The following NAV3 variants were observed in gnomAD, a reference collection of about 807,000 sequenced individuals.
The protein encoded by NAV3 is neuron navigator 3.
A neutral mutation model predicts 244.7 loss-of-function variants in NAV3; 87 were observed. That is an observed-to-expected ratio of 0.36 (90% CI 0.30 to 0.42). The LOEUF is 0.42. Ranked by LOEUF, NAV3 falls within the 20% of genes least tolerant of loss-of-function variation. NAV3 has a pLI of 1.00. For synonymous variants in NAV3, 1,126 were observed against 1,042.2 expected (o/e 1.08, Z -1.55); for missense variants, 2,663 against 2,893.3 (o/e 0.92, Z 1.83).
intron 12 of NAV3, among the ~76,000 whole-genome samples, chr12:78,082,571 G>A (rs932032097): frequency 5.9e-5 from 9 of 151,774 alleles, no homozygotes; most frequent in Non-Finnish European, 1.3e-4. Flanking sequence ...CAAAATCACT[G>A]TGTGATATAG....
intron 1 of NAV3, among the ~76,000 whole-genome samples, chr12:77,841,814 C>A (rs1875706438): frequency 6.6e-6 from 1 of 152,154 alleles, no homozygotes; most frequent in South Asian, 2.1e-4. Context: ...GTTTCATCAT[C>A]TCACCTCTAG....
At chr12:77,631,908 C>T (rs567112626) in intron 2 of NAV3, among the ~76,000 whole-genome samples, 1 of 152,276 alleles carries the variant, frequency 6.6e-6, no homozygotes, top group South Asian at 2.1e-4. Flanking sequence ...CCTAAATAAC[C>T]CATGTTGCCT....
chr12:77,965,113 CTCT>C (rs1892396900), intron 3 of NAV3, among the ~76,000 whole-genome samples: 3 of 152,128 alleles, frequency 2.0e-5, no homozygotes, highest in Admixed American at 1.3e-4. Flanking sequence ...AATTTTAAAT[CTCT>C]TCTTTATTGT....
rs949773199 is a variant in NAV3, at chr12:77,639,254, A to T, written c.72+66988A>T. On this transcript the variant is annotated intron_variant, in intron 2 of 8. Transcript: ENST00000550042. ...CTACATGAATGTCCTTCATTCATTA[A>T]CTTAGCCAACAATTTAGTCAGGTGT... Among the ~76,000 whole-genome samples, 10 of 152,306 alleles carry T rather than the reference A, an allele frequency of 6.6e-5. 1 individual carries two copies. Among genetic ancestry groups the T allele is most frequent in the African/African-American group, 2.2e-4 (9 of 41,568 alleles).
Position 78,153,496 on chromosome 12 carries a change from G to A in NAV3, c.4785+4577G>A, listed in dbSNP as rs1957155483. 2.6e-5 allele frequency among the ~76,000 whole-genome samples: 4 copies of A among 152,198 alleles called. No homozygotes were observed. In the South Asian group the frequency reaches 6.2e-4, roughly 24 times the overall value. On this transcript the variant is annotated intron_variant, in intron 22 of 39. Transcript: ENST00000397909. ...AACAGAAGCCGCACAAGGAAAGGCAGAACTAAATAAATGGTAATAGCAAAC... is the reference window on the plus strand; with the variant it reads ...AACAGAAGCCGCACAAGGAAAGGCAAAACTAAATAAATGGTAATAGCAAAC...
At chr12:77,729,357 C>A (rs965601294) in intron 2 of NAV3, among the ~76,000 whole-genome samples, 2 of 151,920 alleles carry the variant, frequency 1.3e-5, no homozygotes, top group African/African-American at 4.8e-5. Context: ...GGCATAGAAG[C>A]CTGATTTCAT....
chr12:78,053,831 T>C (rs1228098531), intron 11 of NAV3, among the ~76,000 whole-genome samples: 1 of 152,164 alleles, frequency 6.6e-6, no homozygotes, highest in Non-Finnish European at 1.5e-5. Context: ...TTCATATCCA[T>C]GAATGGCTGT....
At chr12:77,778,528 C>G (rs1050100337) in intron 2 of NAV3, among the ~76,000 whole-genome samples, 1 of 149,094 alleles carries the variant, frequency 6.7e-6, no homozygotes, top group African/African-American at 2.5e-5. Flanking sequence ...AGGAGAATGG[C>G]GTGAACTCAG....
intron 2 of NAV3, among the ~76,000 whole-genome samples, chr12:77,590,929 A>T (rs1869876372): frequency 1.3e-5 from 2 of 152,188 alleles, no homozygotes; most frequent in African/African-American, 2.4e-5. Context: ...GGTGGTTGTG[A>T]TAACAAAGGT....
At chr12:77,747,296 T>C (rs1464071248) in intron 2 of NAV3, among the ~76,000 whole-genome samples, 1 of 152,200 alleles carries the variant, frequency 6.6e-6, no homozygotes, top group Non-Finnish European at 1.5e-5. Flanking sequence ...TGTTTTTCAC[T>C]GACCATCAGA....
chr12:77,826,666 C>T (rs527406025), upstream of NAV3, among the ~76,000 whole-genome samples: 8 of 152,096 alleles, frequency 5.3e-5, no homozygotes, highest in African/African-American at 1.9e-4. Context: ...AAGCATTATG[C>T]TAAGTGAAAA....
chr12:77,929,573 C>T (rs932694025), intron 1 of NAV3, among the ~76,000 whole-genome samples: 10 of 152,116 alleles, frequency 6.6e-5, no homozygotes, highest in African/African-American at 1.2e-4. Flanking sequence ...CTTTGGTTTT[C>T]TGTATCCCTA....
At chr12:77,723,205 A>G (rs113986074) in intron 2 of NAV3, among the ~76,000 whole-genome samples, 2 of 152,004 alleles carry the variant, frequency 1.3e-5, no homozygotes, top group African/African-American at 4.8e-5. Context: ...TGATATACCA[A>G]ACATTTCCTC....
At chr12:77,656,942 G>A (rs1279913941) in intron 2 of NAV3, among the ~76,000 whole-genome samples, 1 of 152,212 alleles carries the variant, frequency 6.6e-6, no homozygotes, top group East Asian at 1.9e-4. Context: ...CAGAATCTCT[G>A]GGACACATTC....
intron 12 of NAV3, among the ~76,000 whole-genome samples, chr12:78,070,423 T>C (rs1312555358): frequency 1.3e-5 from 2 of 151,366 alleles, no homozygotes; most frequent in African/African-American, 4.9e-5. Flanking sequence ...TTTTTTAAAG[T>C]GCATAAGAAT....
intron 9 of NAV3, among the ~76,000 whole-genome samples, chr12:78,032,379 A>C (rs951370503): frequency 6.6e-6 from 1 of 152,208 alleles, no homozygotes; most frequent in African/African-American, 2.4e-5. Context: ...AAAGTTTAAA[A>C]AGGTAATAAA....
chr12:77,782,218 T>G (rs1431522735), intron 2 of NAV3, among the ~76,000 whole-genome samples: 1 of 152,036 alleles, frequency 6.6e-6, no homozygotes, highest in Non-Finnish European at 1.5e-5. Context: ...AGCAGCACAT[T>G]GAGATTCCTC....
At chr12:78,093,279 G>T (rs1476753650) in intron 12 of NAV3, among the ~76,000 whole-genome samples, 3 of 152,138 alleles carry the variant, frequency 2.0e-5, no homozygotes, top group Non-Finnish European at 4.4e-5. Flanking sequence ...AAGAATCTCA[G>T]TTACAGATAA....
intron 2 of NAV3, among the ~76,000 whole-genome samples, chr12:77,762,723 TTTG>T (rs5799344): frequency 0.93 from 139,480 of 150,780 alleles, 64,883 homozygotes; most frequent in East Asian, 0.99. Flanking sequence ...TCATGGGTTT[TTTG>T]TTGTTGTTGT....
Sources: allele counts gnomAD v4.1 joint callset (sites outside exome capture counted in the v4.1 genomes callset), GRCh38; gene constraint gnomAD v4.1.1; transcripts MANE v1.5; gene names NCBI Gene and HGNC (gene_info 2026-07-23, HGNC 2026-07-21).